MTFR1: variants seen among roughly 807,000 people sequenced by gnomAD.
The protein encoded by MTFR1 is chondrocyte protein with a poly-proline region.
In MTFR1, 28 loss-of-function variants were observed where a neutral mutation model predicts 38.8. The ratio of observed to expected loss-of-function variants is 0.72; its 90% CI spans 0.53 to 0.99. The LOEUF is 0.99. Among genes scored for constraint, MTFR1 ranks in the 50% least tolerant of loss-of-function variants. MTFR1 has a pLI of 0.00. For missense variants in MTFR1, 358 were observed against 395.5 expected, an observed-to-expected ratio of 0.91 and a Z score of 0.81; for synonymous variants, 145 against 137.0, an observed-to-expected ratio of 1.06 and a Z score of -0.41.
In MTFR1 at chr8:65,764,191, G is replaced by C. The variant is rs146906360; in HGVS notation, c.*49-6756G>C. Among the ~76,000 whole-genome samples, 14 of 152,310 alleles carry C rather than the reference G, an allele frequency of 9.2e-5. No individual in the cohort carries two copies. In the East Asian group the frequency reaches 2.5e-3, roughly 27 times the overall value. The stretch of plus-strand genomic sequence containing the variant: ...TGGGTGATAGAAAAGACAGGAAAAA[G>C]GGACATGGGATTATTGTTTCCTGGG... On this transcript the variant is annotated intron_variant, in intron 3 of 3. Coordinates refer to the MTFR1 transcript ENST00000521247.
At chr8:65,762,314 G>C (rs1039870167) in intron 3 of MTFR1, among the ~76,000 whole-genome samples, 19 of 152,112 alleles carry the variant, frequency 1.2e-4, no homozygotes, top group Middle Eastern at 3.4e-3. Flanking sequence ...ACATCTACGG[G>C]ACACATTTTC....
chr8:65,756,948 T>C (rs1808263892), intron 3 of MTFR1, among the ~76,000 whole-genome samples: 1 of 152,018 alleles, frequency 6.6e-6, no homozygotes, highest in African/African-American at 2.4e-5. Flanking sequence ...AGGAAACAGA[T>C]AAAGGGATGT....
In MTFR1 at chr8:65,693,679, C is replaced by T; in HGVS notation, c.201C>T (p.His67=). The T allele has an allele frequency of 6.2e-7, 1 of 1,614,112 alleles. No homozygotes were observed. Among genetic ancestry groups the T allele is most frequent in the Non-Finnish European group, 8.5e-7 (1 of 1,180,014 alleles). Reference sequence around the variant, plus strand: ...ATGCAACAGAATGGAGTCCCAGCCACCCAGGAGAGGATGCAGTGGCGTCTT... The same window carrying T: ...ATGCAACAGAATGGAGTCCCAGCCATCCAGGAGAGGATGCAGTGGCGTCTT... ...NSHATEWSPS[H]PGEDAVASFA... is the part of the protein sequence containing the mutation. The change falls in exon 4 of 8, where the codon CAC becomes CAT. Residue 67 remains histidine (H), a synonymous_variant. Transcript: ENST00000262146.
intron 1 of MTFR1, among the ~76,000 whole-genome samples, chr8:65,655,951 A>AAAATAT (rs1554545336): frequency 3.6e-5 from 2 of 55,380 alleles, no homozygotes; most frequent in African/African-American, 2.7e-4. Context: ...TAAAAAAAAA[A>AAAATAT]ATATATATAT....
chr8:65,686,609 G>A (rs765170979), intron 3 of MTFR1, among the ~76,000 whole-genome samples: 2 of 143,084 alleles, frequency 1.4e-5, no homozygotes, highest in Non-Finnish European at 3.0e-5. Context: ...AAGGCACTGT[G>A]AAATAGTAGT....
intron 1 of MTFR1, among the ~76,000 whole-genome samples, chr8:65,668,503 CTTTTT>C (rs907385912): frequency 1.4e-5 from 2 of 141,656 alleles, no homozygotes; most frequent in Non-Finnish European, 3.1e-5. Flanking sequence ...GGAAGATTTT[CTTTTT>C]TTTGTTTTTC....
chr8:65,712,497 A>G (rs1805976393), downstream of MTFR1, among the ~76,000 whole-genome samples: 1 of 152,246 alleles, frequency 6.6e-6, no homozygotes, highest in African/African-American at 2.4e-5. Flanking sequence ...AATTGTATCC[A>G]TGTGTTTATA....
At chr8:65,700,349 T>TAAAAAAAAAA (rs551471575) in intron 4 of MTFR1, among the ~76,000 whole-genome samples, 2 of 106,804 alleles carry the variant, frequency 1.9e-5, no homozygotes, top group Non-Finnish European at 3.9e-5. Context: ...AGACCTATCT[T>TAAAAAAAAAA]AAAAAAAAAA....
At chr8:65,760,826 T>C (rs551318924) in intron 3 of MTFR1, among the ~76,000 whole-genome samples, 6 of 152,292 alleles carry the variant, frequency 3.9e-5, no homozygotes, top group Admixed American at 3.9e-4. Flanking sequence ...CCAGGTGTTC[T>C]GTCAGCAGGT....
chr8:65,676,930 T>TTTGAAA (rs1436450341), intron 2 of MTFR1, among the ~76,000 whole-genome samples: 2 of 152,250 alleles, frequency 1.3e-5, no homozygotes, highest in African/African-American at 2.4e-5. Flanking sequence ...TCAAACACTG[T>TTTGAAA]TGCTAAATGT....
At chr8:65,693,567 T>C in intron 3 of MTFR1, 77 bp from the exon 4 acceptor site, 1 of 1,181,304 alleles carries the variant, frequency 8.5e-7, no homozygotes, top group Non-Finnish European at 1.2e-6. Flanking sequence ...CTGACGATTT[T>C]CCTTTAGGTG....
intron 4 of MTFR1, among the ~76,000 whole-genome samples, chr8:65,696,422 T>C (rs1043747687): frequency 4.6e-5 from 7 of 152,222 alleles, no homozygotes; most frequent in African/African-American, 2.4e-5. Context: ...TCTCCTTCAA[T>C]GGTAACATCC....
intron 3 of MTFR1, among the ~76,000 whole-genome samples, chr8:65,733,879 G>A (rs767001005): frequency 1.3e-3 from 198 of 152,234 alleles, no homozygotes; most frequent in Middle Eastern, 6.8e-3. Context: ...TAACACCTTA[G>A]CCAGAACTAA....
chr8:65,669,650 C>T (rs1379804836), intron 1 of MTFR1, among the ~76,000 whole-genome samples: 1 of 151,894 alleles, frequency 6.6e-6, no homozygotes, highest in Admixed American at 6.6e-5. Flanking sequence ...CTCCTGGGTT[C>T]AAGCGATTCT....
In MTFR1 at chr8:65,703,257, G is replaced by A. The variant is rs188848848; in HGVS notation, c.282-1437G>A. On this transcript the variant is annotated intron_variant, in intron 4 of 7. Coordinates refer to ENST00000262146, the MANE Select transcript of MTFR1 (RefSeq NM_014637.4). ...AAAATTAGCCAGGCATGGGTGGCAC[G>A]CACCTATAGTCCTAGCTACTCAGGA... Among the ~76,000 whole-genome samples the A allele has an allele frequency of 4.7e-4, 71 of 151,666 alleles. 1 individual carries two copies. The highest frequency in any genetic ancestry group is 3.3e-3 in the Admixed American group (51 of 15,232).
intron 2 of MTFR1, among the ~76,000 whole-genome samples, chr8:65,679,829 G>T (rs1804823109): frequency 6.6e-6 from 1 of 152,118 alleles, no homozygotes; most frequent in Admixed American, 6.5e-5. Flanking sequence ...AATCCTGTAT[G>T]ATTATTGATG....
chr8:65,744,935 T>C (rs968830561), intron 3 of MTFR1, among the ~76,000 whole-genome samples: 4 of 152,174 alleles, frequency 2.6e-5, no homozygotes, highest in African/African-American at 9.7e-5. Flanking sequence ...CTGATATGGT[T>C]TGGCTGTGTC....
intron 3 of MTFR1, among the ~76,000 whole-genome samples, chr8:65,767,696 G>C (rs1254989008): frequency 6.6e-6 from 1 of 152,132 alleles, no homozygotes. Flanking sequence ...CTTCCACATA[G>C]CTTAACATGT....
intron 1 of MTFR1, among the ~76,000 whole-genome samples, chr8:65,662,906 TGGG>T (rs1213834745): frequency 9.2e-5 from 13 of 141,792 alleles, no homozygotes; most frequent in Admixed American, 8.4e-4. Context: ...TGGAGGGAGG[TGGG>T]GGGGTCAGCC....
Sources: allele counts gnomAD v4.1 joint callset (sites outside exome capture counted in the v4.1 genomes callset), GRCh38; gene constraint gnomAD v4.1.1; transcripts MANE v1.5; gene names NCBI Gene and HGNC (gene_info 2026-07-23, HGNC 2026-07-21).